Variants in SPEGNB observed in about 807,000 individuals in gnomAD.
The protein encoded by SPEGNB is SPEG neighbor protein.
Under a neutral mutation model 18.3 loss-of-function variants are expected in SPEGNB, and 12 were observed. The ratio of observed to expected loss-of-function variants is 0.65; its 90% CI spans 0.42 to 1.06. SPEGNB has a LOEUF of 1.06. Among genes scored for constraint, SPEGNB ranks in the 50% least tolerant of loss-of-function variants. The pLI, the probability that SPEGNB is intolerant of heterozygous loss-of-function variation, is 0.00. For synonymous variants in SPEGNB, 113 were observed against 138.8 expected (o/e 0.81, Z 1.31); for missense variants, 273 against 329.3 (o/e 0.83, Z 1.32).
Position 219,496,813 on chromosome 2 carries a change from C to G in SPEGNB, c.133C>G (p.Arg45Gly), listed in dbSNP as rs1182392114. 5.6e-6 allele frequency: 7 copies of G among 1,242,022 alleles called. No homozygotes were observed. Among genetic ancestry groups the G allele is most frequent in the Middle Eastern group, 2.3e-4 (1 of 4,326 alleles). 76.9% of individuals were successfully genotyped at this position (1,242,022 alleles called of 1,614,324 possible). Residue 45 changes from arginine (R) to glycine (G), a missense_variant, in exon 3 of 5, where the codon CGG becomes GGG. Transcript: ENST00000651166. The part of the protein sequence containing the change: ...IQASYRGHRS[R>G]KELREKGPPR... ...CCTGACTCGGCCCGCGGGTAGGTCC[C>G]GGAAGGAGCTGCGCGAGAAGGGGCC... is the stretch of plus-strand genomic sequence containing the variant.
At chr2:219,497,515 C>G (rs1237638) in intron 3 of SPEGNB, 2 of 544,014 alleles carry the variant, frequency 3.7e-6, no homozygotes, top group African/African-American at 2.0e-5. Flanking sequence ...TCTTGATCCT[C>G]TATTCGACCC....
intron 3 of SPEGNB, 187 bp from the exon 4 acceptor site, chr2:219,497,533 T>C: frequency 6.7e-6 from 4 of 596,430 alleles, no homozygotes; most frequent in Non-Finnish European, 9.8e-6. Flanking sequence ...CCCCGAGAAG[T>C]AGGAGAGGCA....
chr2:219,497,257 C>CTGGAACCTGGGTGGGACTGA, intron 3 of SPEGNB, 141 bp downstream of exon 3: 1 of 579,334 alleles, frequency 1.7e-6, no homozygotes, highest in South Asian at 3.3e-5. Flanking sequence ...CGGCCTGGGG[C>CTGGAACCTGGGTGGGACTGA]GCATCGCCGC....
At chr2:219,496,281 C>T in intron 1 of SPEGNB, 64 bp downstream of exon 1, 4 of 1,124,498 alleles carry the variant, frequency 3.6e-6, no homozygotes, top group Non-Finnish European at 4.5e-6. Context: ...AATGTTCTGA[C>T]CAGGGAGGAA....
chr2:219,497,593 A>G, intron 3 of SPEGNB, 127 bp from the exon 4 acceptor site: 1 of 1,136,938 alleles, frequency 8.8e-7, no homozygotes, highest in Middle Eastern at 2.6e-4. Flanking sequence ...GAGGCTAATG[A>G]TTTGCTCAAC....
In SPEGNB at chr2:219,496,483, G is replaced by A. The variant is rs1694227203; in HGVS notation, c.128+1G>A. The A allele has an allele frequency of 4.0e-6, 5 of 1,253,112 alleles. No individual in the cohort carries two copies. The South Asian group carries it at 5.2e-5, about 13-fold the overall frequency. The allele number at this position is 1,253,112 out of a possible 1,614,324, so 77.6% of individuals were successfully genotyped here. On this transcript the variant is annotated splice_donor_variant, in intron 2 of 4. Transcript: ENST00000651166. LOFTEE classifies it high-confidence loss of function. ...TCCAGGCCTCTTACCGGGGCCACAG[G>A]TGAGAGGGAACCCCGGAGCCCTGTG...
chr2:219,497,952 G>C, intron 4 of SPEGNB, 91 bp downstream of exon 4: 1 of 1,279,988 alleles, frequency 7.8e-7, no homozygotes, highest in South Asian at 1.3e-5. Flanking sequence ...GACGGGGGCG[G>C]GGACTGGGCA....
rs1347771389 is a variant in SPEGNB, at chr2:219,496,996, G to A, written c.316G>A (p.Asp106Asn). The change falls in exon 3 of 5, where the codon GAC (aspartate) becomes AAC (asparagine). Residue 106 changes from aspartate to asparagine, a missense_variant. Asp to Asn is a conservative substitution (Grantham distance 23). Transcript: ENST00000651166. ...TCCCAAGTACCGCTACGTCTTCGAG[G>A]ACCCTGACGTGGTGGCACTGGTGGT... The part of the protein sequence containing the change: ...DGPKYRYVFE[D>N]PDVVALVVRD... 1.5e-6 allele frequency: 2 copies of A among 1,303,078 alleles called. No individual in the cohort carries two copies. The highest frequency in any genetic ancestry group is 5.6e-5 in the East Asian group (1 of 17,982). 80.7% of individuals were successfully genotyped at this position (1,303,078 alleles called of 1,614,324 possible).
In SPEGNB at chr2:219,497,724, G is replaced by T; in HGVS notation, c.441G>T (p.Pro147=). The change falls in exon 4 of 5, where the codon CCG becomes CCT. Residue 147 remains proline (P), a synonymous_variant. Transcript: ENST00000651166. ...SDSARILVEV[P]TKIQKGPDNT... is the part of the protein sequence containing the mutation. ...GCTCCCCTTTCCTTCCGCTAGTCCCGACGAAGATTCAAAAGGGACCCGACA... is the reference window on the plus strand; with the variant it reads ...GCTCCCCTTTCCTTCCGCTAGTCCCTACGAAGATTCAAAAGGGACCCGACA... 1 of 1,303,758 alleles carries T rather than the reference G, an allele frequency of 7.7e-7. No homozygotes were observed. The highest frequency in any genetic ancestry group is 2.3e-5 in the Admixed American group (1 of 43,550). The allele number at this position is 1,303,758 out of a possible 1,614,324, so 80.8% of individuals were successfully genotyped here.
intron 2 of SPEGNB, 56 bp from the exon 3 acceptor site, chr2:219,496,753 G>A: frequency 8.4e-7 from 1 of 1,189,692 alleles, no homozygotes; most frequent in Non-Finnish European, 1.1e-6. Context: ...CTCGCGGTAA[G>A]GGCTGTGGCC....
At chr2:219,496,530 C>A in intron 2 of SPEGNB, 48 bp downstream of exon 2, 1 of 1,195,582 alleles carries the variant, frequency 8.4e-7, no homozygotes, top group South Asian at 1.5e-5. Context: ...CTGCAGAGAG[C>A]GCACTCTTGA....
intron 2 of SPEGNB, 116 bp downstream of exon 2, chr2:219,496,598 G>T (rs1399140226): frequency 2.8e-6 from 3 of 1,085,522 alleles, no homozygotes; most frequent in South Asian, 1.9e-5. Flanking sequence ...GTGGTCTCAG[G>T]GGAGGGTCGT....
Position 219,496,404 on chromosome 2 carries a change from C to T in SPEGNB, c.50C>T (p.Pro17Leu). The change falls in exon 2 of 5, where the codon CCT becomes CTT. Residue 17 changes from proline (P) to leucine (L), a missense_variant. By Grantham distance (98) the Pro-to-Leu change is moderately conservative. Coordinates refer to ENST00000651166, the MANE Select transcript of SPEGNB (RefSeq NM_001286811.2). ...AAGCCAGTGGCTGTGGCCCCAGCTC[C>T]TGGATGTACCCTGGACATCAATGAC... ...AKKPVAVAPA[P>L]GCTLDINDPQ... is the part of the protein sequence containing the mutation. 1.5e-6 allele frequency: 2 copies of T among 1,290,506 alleles called. No homozygotes were observed. Among genetic ancestry groups the T allele is most frequent in the African/African-American group, 1.5e-5 (1 of 65,776 alleles). 79.9% of individuals were successfully genotyped at this position (1,290,506 alleles called of 1,614,324 possible).
intron 2 of SPEGNB, 116 bp from the exon 3 acceptor site, chr2:219,496,693 C>G: frequency 9.5e-7 from 1 of 1,048,472 alleles, no homozygotes; most frequent in Non-Finnish European, 1.2e-6. Context: ...CCTACCAAGC[C>G]ACACGTTTAG....
At chr2:219,497,524 C>T (rs1392141792) in intron 3 of SPEGNB, 196 bp from the exon 4 acceptor site, 2 of 590,082 alleles carry the variant, frequency 3.4e-6, no homozygotes, top group African/African-American at 3.9e-5. Flanking sequence ...TCTATTCGAC[C>T]CCGAGAAGTA....
At chr2:219,497,330 G>C (rs765333982) in intron 3 of SPEGNB, among the ~76,000 whole-genome samples, 11 of 152,238 alleles carry the variant, frequency 7.2e-5, no homozygotes, top group Non-Finnish European at 1.3e-4. Context: ...GCAGTCAGCT[G>C]TGGACTTCCA....
At position 219,496,840 on chromosome 2, in the gene SPEGNB, C is replaced by T; in HGVS notation, c.160C>T (p.Pro54Ser). ...GAAGGAGCTGCGCGAGAAGGGGCCGCCGCGGGTGCTGGAGCCGCTGAAGGA... is the reference window on the plus strand; with the variant it reads ...GAAGGAGCTGCGCGAGAAGGGGCCGTCGCGGGTGCTGGAGCCGCTGAAGGA... ...SRKELREKGP[P>S]RVLEPLKDVV... Residue 54 changes from proline (P) to serine (S), a missense_variant, in exon 3 of 5, where the codon CCG becomes TCG. Transcript: ENST00000651166. 1 of 1,255,764 alleles carries T rather than the reference C, an allele frequency of 8.0e-7. No homozygotes were observed. The highest frequency in any genetic ancestry group is 1.0e-6 in the Non-Finnish European group (1 of 958,146). 77.8% of individuals were successfully genotyped at this position (1,255,764 alleles called of 1,614,324 possible).
chr2:219,496,616 G>A, intron 2 of SPEGNB, 134 bp downstream of exon 2: 1 of 1,017,412 alleles, frequency 9.8e-7, no homozygotes, highest in Non-Finnish European at 1.3e-6. Context: ...CGTTACTGAG[G>A]TATGGGGGAG....
chr2:219,496,939 T>C lies in SPEGNB; in HGVS notation c.259T>C (p.Trp87Arg), dbSNP rs1694237333. The C allele has an allele frequency of 7.7e-7, 1 of 1,302,814 alleles. No homozygotes were observed. Among genetic ancestry groups the C allele is most frequent in the African/African-American group, 1.5e-5 (1 of 65,832 alleles). 80.7% of individuals were successfully genotyped at this position (1,302,814 alleles called of 1,614,324 possible). A position where few individuals can be genotyped will look rare whatever the true frequency, so the allele number is the denominator to read the frequency against. Residue 87 changes from tryptophan to arginine, a missense_variant, in exon 3 of 5, where the codon TGG (tryptophan) becomes CGG (arginine). By Grantham distance (101) the Trp-to-Arg change is moderately radical. Coordinates refer to ENST00000651166, the MANE Select transcript of SPEGNB (RefSeq NM_001286811.2). The part of the protein sequence containing the change: ...ISAFPDPFIR[W>R]SKDGKELRDG... ...GGCTTTCCCGGACCCATTCATCCGCTGGAGTAAGGACGGCAAGGAGCTACG... is the reference window on the plus strand; with the variant it reads ...GGCTTTCCCGGACCCATTCATCCGCCGGAGTAAGGACGGCAAGGAGCTACG...
Sources: gnomAD v4.1 joint callset for allele counts (sites outside exome capture counted in the v4.1 genomes callset) on GRCh38, gnomAD v4.1.1 for gene constraint, MANE v1.5 for transcripts, NCBI Gene and HGNC (gene_info 2026-07-23, HGNC 2026-07-21) for gene names.